The following CASP4 variants were observed in gnomAD, a reference collection of about 807,000 sequenced individuals.
CASP4 encodes the protein caspase-4.
CASP4 carries 29 observed loss-of-function variants against 41.3 expected under a neutral mutation model. The observed-to-expected ratio is 0.70, with a 90% CI of 0.52 to 0.96. The LOEUF (loss-of-function observed/expected upper bound fraction) is 0.96. Among genes scored for constraint, CASP4 ranks in the 40% least tolerant of loss-of-function variants. The pLI, the probability that CASP4 is intolerant of heterozygous loss-of-function variation, is 0.00. For missense variants in CASP4, 447 were observed against 460.6 expected (o/e 0.97, Z 0.27); for synonymous variants, 185 against 158.4 (o/e 1.17, Z -1.26).
intron 1 of CASP4, among the ~76,000 whole-genome samples, chr11:104,965,542 AAGACCTAACC>A: frequency 1.3e-5 from 2 of 152,348 alleles, no homozygotes; most frequent in South Asian, 2.1e-4. Context: ...TGAAAGAAAT[AAGACCTAACC>A]AACTCTATCT....
chr11:104,944,897 T>C (rs1200382025), intron 7 of CASP4, 46 bp from the exon 8 acceptor site: 1 of 1,278,818 alleles, frequency 7.8e-7, no homozygotes, highest in Admixed American at 1.7e-5. Flanking sequence ...TCTTTTCAAG[T>C]CTCAGAAAGC....
At chr11:104,952,125 G>T in intron 2 of CASP4, 120 bp from the exon 3 acceptor site, 1 of 627,208 alleles carries the variant, frequency 1.6e-6, no homozygotes, top group Non-Finnish European at 2.9e-6. Flanking sequence ...GGTTTTAGTT[G>T]TATCTCATAT....
At chr11:104,947,365 A>G in intron 6 of CASP4, 173 bp from the exon 7 acceptor site, 1 of 410,098 alleles carries the variant, frequency 2.4e-6, no homozygotes, top group African/African-American at 2.0e-5. Context: ...GAACGTAAAC[A>G]GAAAACCTAG....
chr11:104,944,817 GC>G lies in CASP4; in HGVS notation c.1069del (p.Ala357LeufsTer6). The G allele has an allele frequency of 6.2e-7, 1 of 1,613,440 alleles. No individual in the cohort carries two copies. Among genetic ancestry groups the G allele is most frequent in the Non-Finnish European group, 8.5e-7 (1 of 1,179,458 alleles). Reference sequence around the variant, plus strand: ...CAGTCGTTCTATGGTGGGCATTTGAGCTTTGGCCCTTGGAGTTTCAAATGAT... The same window carrying G: ...CAGTCGTTCTATGGTGGGCATTTGAGTTTGGCCCTTGGAGTTTCAAATGAT... ...QQSFETPRAK[A>X]QMPTIERLSM... On this transcript the variant is annotated frameshift_variant, in exon 8 of 9. Transcript: ENST00000444739. LOFTEE classifies it high-confidence loss of function.
chr11:104,962,692 A>G (rs1287336576), intron 1 of CASP4, among the ~76,000 whole-genome samples: 3 of 152,014 alleles, frequency 2.0e-5, no homozygotes, highest in African/African-American at 7.3e-5. Context: ...AGCCCTAAAA[A>G]TTTTTCTTGA....
chr11:104,951,662 G>C, intron 3 of CASP4: 1 of 553,252 alleles, frequency 1.8e-6, no homozygotes, highest in Non-Finnish European at 3.3e-6. Context: ...ATAAATACAG[G>C]AGCAATAGAA....
chr11:104,947,222 G>A, intron 6 of CASP4, 30 bp from the exon 7 acceptor site: 1 of 1,295,048 alleles, frequency 7.7e-7, no homozygotes, highest in Non-Finnish European at 1.1e-6. Flanking sequence ...TATGCCTTGG[G>A]CTATGACTTT....
chr11:104,966,299 A>T (rs572884525), intron 1 of CASP4, among the ~76,000 whole-genome samples: 1 of 150,720 alleles, frequency 6.6e-6, no homozygotes, highest in South Asian at 2.1e-4. Flanking sequence ...GAAGGAAGGC[A>T]TGTTCATTCC....
At chr11:104,955,360 A>ACT (rs1423819508) in intron 1 of CASP4, among the ~76,000 whole-genome samples, 7 of 151,968 alleles carry the variant, frequency 4.6e-5, no homozygotes, top group South Asian at 4.2e-4. Context: ...TAAAATATAT[A>ACT]TTCCCGGGAA....
At chr11:104,959,374 A>C (rs1203144659) in intron 1 of CASP4, among the ~76,000 whole-genome samples, 1 of 152,216 alleles carries the variant, frequency 6.6e-6, no homozygotes, top group Non-Finnish European at 1.5e-5. Flanking sequence ...TCACTTATAC[A>C]TAGACTCTAA....
At chr11:104,961,598 T>C (rs1860861333) in intron 1 of CASP4, among the ~76,000 whole-genome samples, 1 of 152,180 alleles carries the variant, frequency 6.6e-6, no homozygotes, top group Admixed American at 6.5e-5. Flanking sequence ...TGGCTCTAAC[T>C]AGTAGGAAGA....
intron 1 of CASP4, among the ~76,000 whole-genome samples, chr11:104,958,340 A>T (rs1374777407): frequency 2.0e-5 from 3 of 152,220 alleles, no homozygotes; most frequent in Non-Finnish European, 4.4e-5. Context: ...AAGATTAAAG[A>T]GATAATCAAC....
intron 1 of CASP4, among the ~76,000 whole-genome samples, chr11:104,967,082 C>T (rs1413826624): frequency 1.3e-5 from 2 of 152,114 alleles, no homozygotes; most frequent in Admixed American, 6.6e-5. Context: ...CTTATCAGGA[C>T]CACAGTTTTG....
At chr11:104,968,487 A>G in intron 1 of CASP4, 32 bp downstream of exon 1, 1 of 1,598,590 alleles carries the variant, frequency 6.3e-7, no homozygotes, top group Non-Finnish European at 8.6e-7. Flanking sequence ...CTAAGTTCCT[A>G]CTCCCAAACT....
At chr11:104,954,581 C>T (rs1860689621) in intron 2 of CASP4, among the ~76,000 whole-genome samples, 166 bp downstream of exon 2, 1 of 152,054 alleles carries the variant, frequency 6.6e-6, no homozygotes, top group Non-Finnish European at 1.5e-5. Flanking sequence ...AACTGGATTC[C>T]ACCCCACAAA....
intron 1 of CASP4, among the ~76,000 whole-genome samples, chr11:104,955,589 G>T (rs1860720382): frequency 6.6e-6 from 1 of 151,940 alleles, no homozygotes; most frequent in African/African-American, 2.4e-5. Flanking sequence ...AAATGGATGA[G>T]TGCATCCATA....
At chr11:104,956,406 C>G (rs954872057) in intron 1 of CASP4, among the ~76,000 whole-genome samples, 21 of 151,904 alleles carry the variant, frequency 1.4e-4, no homozygotes, top group Non-Finnish European at 2.8e-4. Context: ...ATGCCAAGTG[C>G]ATTACTGAAA....
At chr11:104,967,163 T>C (rs908744209) in intron 1 of CASP4, among the ~76,000 whole-genome samples, 1 of 152,204 alleles carries the variant, frequency 6.6e-6, no homozygotes, top group Non-Finnish European at 1.5e-5. Context: ...AAGGTAATAA[T>C]AGCTGTCTAC....
intron 1 of CASP4, chr11:104,956,516 A>G (rs1262567513): frequency 4.4e-6 from 1 of 229,480 alleles, no homozygotes; most frequent in Non-Finnish European, 7.2e-6. Flanking sequence ...AACACCGAGT[A>G]TATAGTAACT....
Sources: allele counts gnomAD v4.1 joint callset (sites outside exome capture counted in the v4.1 genomes callset), GRCh38; gene constraint gnomAD v4.1.1; transcripts MANE v1.5; gene names NCBI Gene and HGNC (gene_info 2026-07-23, HGNC 2026-07-21).